CPED1: variants seen among roughly 807,000 people sequenced by gnomAD.
CPED1 encodes the protein cadherin like and PC-esterase domain containing 1, also known as cadherin-like and PC-esterase domain-containing protein 1.
Under a neutral mutation model 128.2 loss-of-function variants are expected in CPED1, and 114 were observed. The ratio of observed to expected loss-of-function variants is 0.89; its 90% CI spans 0.76 to 1.04. The LOEUF (loss-of-function observed/expected upper bound fraction) is 1.04. Among genes scored for constraint, CPED1 ranks in the 50% least tolerant of loss-of-function variants. The pLI is 0.00. For synonymous variants in CPED1, 462 were observed against 426.7 expected, an observed-to-expected ratio of 1.08 and a Z score of -1.02; for missense variants, 1,211 against 1,207.1, an observed-to-expected ratio of 1.00 and a Z score of -0.05.
intron 18 of CPED1, among the ~76,000 whole-genome samples, chr7:121,249,773 A>G (rs576387170): frequency 1.3e-5 from 2 of 152,290 alleles, no homozygotes; most frequent in African/African-American, 4.8e-5. Flanking sequence ...AGAACTAACT[A>G]TCCTAAATAT....
At chr7:121,177,151 A>G (rs1339758240) in intron 16 of CPED1, among the ~76,000 whole-genome samples, 1 of 152,046 alleles carries the variant, frequency 6.6e-6, no homozygotes, top group Non-Finnish European at 1.5e-5. Context: ...TTGAGACTAC[A>G]TTCTTTTCTC....
chr7:121,278,960 A>G (rs886934523), intron 22 of CPED1, among the ~76,000 whole-genome samples: 23 of 152,154 alleles, frequency 1.5e-4, no homozygotes, highest in Non-Finnish European at 2.9e-4. Context: ...AAACTCCTTC[A>G]TGTTCTTTGC....
intron 4 of CPED1, among the ~76,000 whole-genome samples, chr7:121,049,963 C>G (rs901168201): frequency 3.9e-5 from 6 of 152,182 alleles, no homozygotes; most frequent in African/African-American, 1.4e-4. Context: ...ACTTGTGTGG[C>G]CAAATATGTT....
intron 2 of CPED1, among the ~76,000 whole-genome samples, chr7:120,997,516 A>G (rs1438144825): frequency 6.6e-6 from 1 of 152,246 alleles, no homozygotes; most frequent in Non-Finnish European, 1.5e-5. Flanking sequence ...CCTAAACTCC[A>G]GTACCTCAGA....
intron 16 of CPED1, among the ~76,000 whole-genome samples, chr7:121,158,890 AAAT>A (rs1796350625): frequency 6.6e-6 from 1 of 152,206 alleles, no homozygotes. Context: ...CCATGTAATA[AAAT>A]AATGTTTTTC....
chr7:121,288,995 T>C (rs781307668), intron 22 of CPED1, among the ~76,000 whole-genome samples: 1 of 152,210 alleles, frequency 6.6e-6, no homozygotes, highest in Admixed American at 6.5e-5. Context: ...AAAACATTGA[T>C]GCACCTCTCC....
intron 11 of CPED1, among the ~76,000 whole-genome samples, chr7:121,129,308 T>C (rs1191615889): frequency 5.2e-4 from 2 of 3,814 alleles, no homozygotes; most frequent in Admixed American, 0.021. Context: ...TATATATATA[T>C]ATACGTATAT....
At chr7:121,194,042 ATATATATTT>A (rs1171843381) in intron 16 of CPED1, among the ~76,000 whole-genome samples, 2 of 107,384 alleles carry the variant, frequency 1.9e-5, no homozygotes, top group African/African-American at 7.6e-5. Context: ...ATATATATAT[ATATATATTT>A]TTTTTTTTTT....
chr7:121,041,935 C>T (rs115250227), intron 3 of CPED1, among the ~76,000 whole-genome samples: 137 of 152,104 alleles, frequency 9.0e-4, no homozygotes, highest in African/African-American at 3.2e-3. Flanking sequence ...GATAGTGATT[C>T]GTGTTATCAG....
chr7:121,100,930 T>A (rs191689945), intron 7 of CPED1, among the ~76,000 whole-genome samples: 1 of 152,246 alleles, frequency 6.6e-6, no homozygotes, highest in East Asian at 1.9e-4. Flanking sequence ...GCCATCTTAT[T>A]TTTTTATTTA....
chr7:121,001,248 A>G (rs1791848414), intron 2 of CPED1, among the ~76,000 whole-genome samples: 1 of 152,164 alleles, frequency 6.6e-6, no homozygotes, highest in African/African-American at 2.4e-5. Flanking sequence ...TCATCTGCTC[A>G]AGAAAGTCAC....
At chr7:121,257,904 C>A (rs1315824818) in intron 18 of CPED1, among the ~76,000 whole-genome samples, 4 of 151,776 alleles carry the variant, frequency 2.6e-5, no homozygotes, top group Admixed American at 6.6e-5. Context: ...ATATACTGAC[C>A]TTTTTTACCT....
intron 5 of CPED1, among the ~76,000 whole-genome samples, chr7:121,068,078 G>A (rs1793890221): frequency 6.6e-6 from 1 of 152,152 alleles, no homozygotes; most frequent in African/African-American, 2.4e-5. Flanking sequence ...TGTTCACTCT[G>A]ATGGTAGTTT....
intron 22 of CPED1, among the ~76,000 whole-genome samples, chr7:121,272,863 G>T (rs890692959): frequency 6.6e-6 from 1 of 152,012 alleles, no homozygotes; most frequent in Non-Finnish European, 1.5e-5. Context: ...TGGGAAGAGG[G>T]CCCCAAAACA....
chr7:121,112,689 C>T (rs1261185043), intron 7 of CPED1, among the ~76,000 whole-genome samples: 2 of 152,128 alleles, frequency 1.3e-5, no homozygotes, highest in Non-Finnish European at 2.9e-5. Context: ...TGCTAAATAT[C>T]TCATTGGCCA....
intron 3 of CPED1, among the ~76,000 whole-genome samples, chr7:121,035,514 A>G (rs907791497): frequency 6.6e-6 from 1 of 152,084 alleles, no homozygotes; most frequent in Non-Finnish European, 1.5e-5. Flanking sequence ...AGTTTGAGAA[A>G]GAGTGGCTAT....
At chr7:121,268,431 G>C (rs798912) in intron 21 of CPED1, among the ~76,000 whole-genome samples, 9,440 of 152,078 alleles carry the variant, frequency 0.062, 977 homozygotes, top group African/African-American at 0.21. Flanking sequence ...GAACTTTGAT[G>C]GTGCTCATCA....
intron 18 of CPED1, among the ~76,000 whole-genome samples, chr7:121,263,047 A>G (rs562969429): frequency 6.6e-6 from 1 of 152,222 alleles, no homozygotes; most frequent in South Asian, 2.1e-4. Flanking sequence ...TCCCAGAGCT[A>G]TGTCTGCTAG....
intron 4 of CPED1, chr7:121,050,966 C>T (rs1309890181): frequency 3.9e-6 from 2 of 508,694 alleles, no homozygotes; most frequent in Non-Finnish European, 8.0e-6. Flanking sequence ...AGGAGATTGG[C>T]GCAGTTGTCA....
Sources: gnomAD v4.1 joint callset for allele counts (sites outside exome capture counted in the v4.1 genomes callset) on GRCh38, gnomAD v4.1.1 for gene constraint, MANE v1.5 for transcripts, NCBI Gene and HGNC (gene_info 2026-07-23, HGNC 2026-07-21) for gene names.